PXDNL: variants seen among roughly 807,000 people sequenced by gnomAD.
PXDNL encodes the protein probable oxidoreductase PXDNL.
In PXDNL, 145 loss-of-function variants were observed where a neutral mutation model predicts 150.8. The observed-to-expected ratio is 0.96, with a 90% CI of 0.84 to 1.10. The LOEUF (loss-of-function observed/expected upper bound fraction) is 1.10. PXDNL is among the 50% of genes least tolerant of loss of function. The probability of loss-of-function intolerance (pLI) is 0.00; values close to 1 mark genes in which losing one functional copy is unlikely to be tolerated. For synonymous variants in PXDNL, 757 were observed against 725.7 expected, an observed-to-expected ratio of 1.04 and a Z score of -0.69; for missense variants, 2,087 against 1,873.9, an observed-to-expected ratio of 1.11 and a Z score of -2.10.
rs202165364 is a variant in PXDNL at position 51,320,014 on chromosome 8, C to A, written c.4269G>T (p.Gln1423His). 7.2e-6 allele frequency: 11 copies of A among 1,517,904 alleles called. No individual in the cohort carries two copies. The East Asian group carries it at 9.6e-5, about 13-fold the overall frequency. 94.0% of individuals were successfully genotyped at this position (1,517,904 alleles called of 1,614,324 possible). The part of the protein sequence containing the change: ...DCTHCICESG[Q>H]VTCVVEICPP... The stretch of plus-strand genomic sequence containing the variant: ...GACAAATCTCCACCACACAGGTGAC[C>A]TGGCCACTCTGAAAGGCAGCATGCA... Residue 1423 changes from glutamine to histidine, a missense_variant, in exon 23 of 23, where the codon CAG becomes CAT. Physicochemically the swap from Gln to His is conservative, Grantham distance 24. Transcript: ENST00000356297.
chr8:51,416,073 T>G (rs1247646739), intron 14 of PXDNL, among the ~76,000 whole-genome samples: 1 of 152,218 alleles, frequency 6.6e-6, no homozygotes. Flanking sequence ...ACATATTAGC[T>G]TTTTCTTTGT....
chr8:51,585,721 C>T (rs1813308977), intron 3 of PXDNL, among the ~76,000 whole-genome samples: 1 of 152,026 alleles, frequency 6.6e-6, no homozygotes, highest in African/African-American at 2.4e-5. Context: ...AACTTGCTAG[C>T]CTTATTTCTC....
intron 3 of PXDNL, among the ~76,000 whole-genome samples, chr8:51,568,840 C>T (rs1431386922): frequency 1.3e-5 from 2 of 151,812 alleles, no homozygotes; most frequent in Non-Finnish European, 2.9e-5. Context: ...ATTAACATAT[C>T]ACCAAGGTCA....
chr8:51,594,050 A>C (rs1488077122), intron 2 of PXDNL, among the ~76,000 whole-genome samples: 2 of 152,234 alleles, frequency 1.3e-5, no homozygotes, highest in African/African-American at 4.8e-5. Context: ...GTTCAAAATC[A>C]ATTAATGCAC....
intron 4 of PXDNL, among the ~76,000 whole-genome samples, chr8:51,518,607 T>C (rs1313841559): frequency 6.6e-6 from 1 of 152,018 alleles, no homozygotes; most frequent in Non-Finnish European, 1.5e-5. Flanking sequence ...GATGGGAAAA[T>C]AGCATAAATC....
chr8:51,595,257 T>C (rs1357995473), intron 2 of PXDNL, among the ~76,000 whole-genome samples: 1 of 152,134 alleles, frequency 6.6e-6, no homozygotes, highest in African/African-American at 2.4e-5. Flanking sequence ...CACTTGCATA[T>C]TTACTAGTAT....
chr8:51,748,833 A>G (rs1585720544), intron 1 of PXDNL, among the ~76,000 whole-genome samples: 1 of 152,206 alleles, frequency 6.6e-6, no homozygotes, highest in Non-Finnish European at 1.5e-5. Context: ...AATACTCAAC[A>G]GTCCGAAACA....
chr8:51,338,367 G>A (rs1206158872), intron 21 of PXDNL, among the ~76,000 whole-genome samples: 2 of 152,150 alleles, frequency 1.3e-5, no homozygotes, highest in Non-Finnish European at 2.9e-5. Context: ...GGGACTAGAC[G>A]TGTTCACATC....
intron 19 of PXDNL, among the ~76,000 whole-genome samples, chr8:51,368,480 G>A (rs1441048612): frequency 6.6e-6 from 1 of 151,872 alleles, no homozygotes; most frequent in Non-Finnish European, 1.5e-5. Flanking sequence ...GAAGATGCTG[G>A]TATCAGTATT....
chr8:51,638,971 T>A (rs1218284972), intron 2 of PXDNL, among the ~76,000 whole-genome samples: 4 of 152,084 alleles, frequency 2.6e-5, no homozygotes. Flanking sequence ...CCTCAGCAAA[T>A]GTAAAAGAAC....
rs186009581 is a variant in PXDNL, at chr8:51,667,476, C to T, written c.165-12716G>A. On this transcript the variant is annotated intron_variant, in intron 1 of 22. Coordinates refer to ENST00000356297, the MANE Select transcript of PXDNL (RefSeq NM_144651.5). ...ACAAAATGTATTTATCTACTACTTA[C>T]GCAAAAATAGTTGCCCTCTTTTCTT... Among the ~76,000 whole-genome samples, 1,119 of 152,302 alleles carry T rather than the reference C, an allele frequency of 7.3e-3. 5 individuals carry two copies. Among genetic ancestry groups the T allele is most frequent in the Non-Finnish European group, 0.01 (689 of 68,024 alleles).
At chr8:51,744,073 G>A (rs764441505) in intron 1 of PXDNL, among the ~76,000 whole-genome samples, 10,760 of 51,610 alleles carry the variant, frequency 0.21, 1,779 homozygotes, top group African/African-American at 0.47. Flanking sequence ...AAGGAAGGAA[G>A]GAAGGAAGGA....
intron 1 of PXDNL, among the ~76,000 whole-genome samples, chr8:51,709,771 T>G (rs538785042): frequency 6.6e-6 from 1 of 152,212 alleles, no homozygotes; most frequent in Non-Finnish European, 1.5e-5. Flanking sequence ...TATATATGTA[T>G]GTACCAACAT....
Position 51,408,599 on chromosome 8 carries a change from G to GCT in PXDNL, c.3023_3024dup (p.Leu1009SerfsTer23), listed in dbSNP as rs777373620. 1 of 1,611,798 alleles carries GCT rather than the reference G, an allele frequency of 6.2e-7. No individual in the cohort carries two copies. The highest frequency in any genetic ancestry group is 8.5e-7 in the Non-Finnish European group (1 of 1,179,064). ...CAGTGGCTGTAGGTGATGTGCTGCAGCTCCGCGCCCACGATCTTCCTGGCT... is the reference window on the plus strand; with the variant it reads ...CAGTGGCTGTAGGTGATGTGCTGCAGCTCTCCGCGCCCACGATCTTCCTGGCT... On this transcript the variant is annotated frameshift_variant, in exon 17 of 23. Coordinates refer to ENST00000356297, the MANE Select transcript of PXDNL (RefSeq NM_144651.5). LOFTEE classifies it high-confidence loss of function.
Position 51,550,921 on chromosome 8 carries a change from C to T in PXDNL, c.380+5919G>A, listed in dbSNP as rs143629177. ...TGATTGTACCAGAAAACCCTAAAGG[C>T]TCATCCAAAGAGCTCTTAGATCTGA... On this transcript the variant is annotated intron_variant, in intron 4 of 22. Transcript: ENST00000356297. Among the ~76,000 whole-genome samples the T allele has an allele frequency of 2.5e-3, 383 of 152,244 alleles. 1 individual carries two copies. Among genetic ancestry groups the T allele is most frequent in the African/African-American group, 8.7e-3 (363 of 41,536 alleles).
At chr8:51,738,092 A>G (rs922485068) in intron 1 of PXDNL, among the ~76,000 whole-genome samples, 8 of 152,162 alleles carry the variant, frequency 5.3e-5, no homozygotes, top group African/African-American at 1.2e-4. Flanking sequence ...ATGTGCACCA[A>G]TTGGACCCCA....
intron 3 of PXDNL, among the ~76,000 whole-genome samples, chr8:51,573,917 G>A (rs1585590140): frequency 6.6e-6 from 1 of 152,014 alleles, no homozygotes; most frequent in East Asian, 1.9e-4. Context: ...AATGAGATTA[G>A]GACACAGACA....
At chr8:51,709,740 C>A (rs933418774) in intron 1 of PXDNL, among the ~76,000 whole-genome samples, 18 of 152,096 alleles carry the variant, frequency 1.2e-4, no homozygotes, top group Non-Finnish European at 2.6e-4. Flanking sequence ...AAAAGGATAT[C>A]CATGTACTTA....
intron 2 of PXDNL, among the ~76,000 whole-genome samples, chr8:51,637,294 C>T (rs1445650535): frequency 6.6e-6 from 1 of 152,050 alleles, no homozygotes; most frequent in Non-Finnish European, 1.5e-5. Context: ...ATCAGAGTGC[C>T]TCTCCCCCTA....
Sources: allele counts gnomAD v4.1 joint callset (sites outside exome capture counted in the v4.1 genomes callset), GRCh38; gene constraint gnomAD v4.1.1; transcripts MANE v1.5; gene names NCBI Gene and HGNC (gene_info 2026-07-23, HGNC 2026-07-21).